The following SCAPER variants were observed in gnomAD, a reference collection of about 807,000 sequenced individuals.
SCAPER encodes the protein S phase cyclin A-associated protein in the endoplasmic reticulum.
Under a neutral mutation model 182.2 loss-of-function variants are expected in SCAPER, and 98 were observed. The ratio of observed to expected loss-of-function variants is 0.54; its 90% CI spans 0.46 to 0.64. SCAPER has a LOEUF of 0.64. Among genes scored for constraint, SCAPER ranks in the 30% least tolerant of loss-of-function variants. The pLI is 0.00. For missense variants in SCAPER, 1,432 were observed against 1,690.0 expected, an observed-to-expected ratio of 0.85 and a Z score of 2.68; for synonymous variants, 605 against 564.6, an observed-to-expected ratio of 1.07 and a Z score of -1.01.
intron 21 of SCAPER, among the ~76,000 whole-genome samples, chr15:76,655,833 G>C (rs2055587877): frequency 1.3e-5 from 2 of 152,080 alleles, no homozygotes; most frequent in Admixed American, 1.3e-4. Context: ...GGAGAAATAA[G>C]ATCCTTTTCA....
chr15:76,894,428 C>A (rs2074320732), intron 1 of SCAPER, among the ~76,000 whole-genome samples: 1 of 151,878 alleles, frequency 6.6e-6, no homozygotes, highest in Admixed American at 6.6e-5. Context: ...ATAGCAAGAT[C>A]CCATCTATGA....
intron 17 of SCAPER, among the ~76,000 whole-genome samples, chr15:76,723,435 T>C (rs1394368975): frequency 6.6e-6 from 1 of 152,152 alleles, no homozygotes; most frequent in Non-Finnish European, 1.5e-5. Context: ...GTTCTGTAGA[T>C]GTCTATTAGG....
At chr15:76,845,477 C>T in intron 4 of SCAPER, among the ~76,000 whole-genome samples, 1 of 151,794 alleles carries the variant, frequency 6.6e-6, no homozygotes, top group Non-Finnish European at 1.5e-5. Context: ...AAGACTCCAC[C>T]AAAAACTATT....
chr15:76,394,713 G>A (rs1414656778), intron 27 of SCAPER, among the ~76,000 whole-genome samples: 2 of 152,074 alleles, frequency 1.3e-5, no homozygotes, highest in Non-Finnish European at 2.9e-5. Flanking sequence ...TAAAATTTTT[G>A]TGGGTACACA....
At chr15:76,659,743 G>A (rs1430132380) in intron 21 of SCAPER, among the ~76,000 whole-genome samples, 4 of 151,376 alleles carry the variant, frequency 2.6e-5, no homozygotes, top group African/African-American at 4.8e-5. Context: ...GCGAGGCTGT[G>A]GAAAACAGGG....
At chr15:76,578,178 A>T (rs1299739688) in intron 22 of SCAPER, among the ~76,000 whole-genome samples, 3 of 152,008 alleles carry the variant, frequency 2.0e-5, no homozygotes, top group African/African-American at 7.3e-5. Context: ...TGTCAGCTCA[A>T]CCACAGTAGA....
intron 23 of SCAPER, 105 bp downstream of exon 23, chr15:76,574,053 A>G: frequency 1.8e-6 from 2 of 1,096,334 alleles, no homozygotes. Context: ...TTTAAAAAAC[A>G]CAGAAGAAAG....
chr15:76,855,828 T>C (rs923950863), intron 4 of SCAPER: 1 of 426,100 alleles, frequency 2.3e-6, no homozygotes, highest in African/African-American at 2.0e-5. Flanking sequence ...GCTGGGAGTG[T>C]AAATTAGTTC....
chr15:76,513,787 C>T (rs1054008174), intron 23 of SCAPER, among the ~76,000 whole-genome samples: 1 of 152,192 alleles, frequency 6.6e-6, no homozygotes, highest in African/African-American at 2.4e-5. Flanking sequence ...AATCCTTAAC[C>T]ATAATTATCT....
intron 15 of SCAPER, among the ~76,000 whole-genome samples, chr15:76,747,358 T>A (rs1418924272): frequency 6.6e-6 from 1 of 151,854 alleles, no homozygotes; most frequent in East Asian, 1.9e-4. Flanking sequence ...AAACATTAGC[T>A]GGGTGTGGTG....
chr15:76,755,197 T>C (rs948312600), intron 14 of SCAPER, among the ~76,000 whole-genome samples: 2 of 152,206 alleles, frequency 1.3e-5, no homozygotes, highest in Admixed American at 1.3e-4. Context: ...AGCACTTCTC[T>C]TAAGCTAAAA....
At chr15:76,484,822 T>C (rs1288394551) in intron 24 of SCAPER, among the ~76,000 whole-genome samples, 2 of 152,086 alleles carry the variant, frequency 1.3e-5, no homozygotes, top group African/African-American at 2.4e-5. Flanking sequence ...ATTACCTCAA[T>C]AGATGGAGAA....
intron 23 of SCAPER, among the ~76,000 whole-genome samples, chr15:76,562,882 C>T (rs2046750586): frequency 1.3e-5 from 2 of 152,078 alleles, no homozygotes; most frequent in African/African-American, 4.8e-5. Context: ...CAAATTCATA[C>T]AATGGCACAT....
chr15:76,552,149 A>G (rs552673655), intron 23 of SCAPER, among the ~76,000 whole-genome samples: 1 of 152,212 alleles, frequency 6.6e-6, no homozygotes, highest in Non-Finnish European at 1.5e-5. Flanking sequence ...CAAGCATGGT[A>G]GCACATGCCT....
At chr15:76,355,195 C>T (rs968604055) in intron 29 of SCAPER, among the ~76,000 whole-genome samples, 2 of 152,216 alleles carry the variant, frequency 1.3e-5, no homozygotes, top group African/African-American at 4.8e-5. Context: ...TAAGAACACA[C>T]TCTCAGATGA....
chr15:76,536,991 T>C lies in SCAPER; in HGVS notation c.2839-32017A>G, dbSNP rs573882688. Among the ~76,000 whole-genome samples, 11 of 152,136 alleles carry C rather than the reference T, an allele frequency of 7.2e-5. No homozygotes were observed. In the East Asian group the frequency reaches 1.4e-3, roughly 19 times the overall value. On this transcript the variant is annotated intron_variant, in intron 23 of 31. Coordinates refer to ENST00000563290, the MANE Select transcript of SCAPER (RefSeq NM_020843.4). ...AACTGCTTCAAAGAGAATAAAATAC[T>C]TAGGAATCCAACTTACAAGGGACGT...
At chr15:76,738,553 A>AG in intron 15 of SCAPER, among the ~76,000 whole-genome samples, 1 of 151,588 alleles carries the variant, frequency 6.6e-6, no homozygotes, top group Middle Eastern at 3.4e-3. Flanking sequence ...AAAAAAAAAA[A>AG]AGACTTAGGA....
chr15:76,877,674 C>G (rs182966090), intron 2 of SCAPER, among the ~76,000 whole-genome samples: 2 of 152,148 alleles, frequency 1.3e-5, no homozygotes, highest in Non-Finnish European at 2.9e-5. Context: ...GATGAAACAT[C>G]ACCTAAATTG....
At chr15:76,748,895 G>A (rs1349635566) in intron 15 of SCAPER, among the ~76,000 whole-genome samples, 2 of 150,794 alleles carry the variant, frequency 1.3e-5, no homozygotes, top group Non-Finnish European at 3.0e-5. Context: ...GAAAACCCCA[G>A]ACCCAGATAG....
Sources: allele counts gnomAD v4.1 joint callset (sites outside exome capture counted in the v4.1 genomes callset), GRCh38; gene constraint gnomAD v4.1.1; transcripts MANE v1.5; gene names NCBI Gene and HGNC (gene_info 2026-07-23, HGNC 2026-07-21).